The following CWH43 variants were observed in gnomAD, a reference collection of about 807,000 sequenced individuals.
The protein encoded by CWH43 is cell wall biogenesis 43 C-terminal homolog.
A neutral mutation model predicts 85.7 loss-of-function variants in CWH43; 91 were observed. The observed-to-expected ratio is 1.06, with a 90% CI of 0.90 to 1.26. CWH43 has a LOEUF of 1.26. CWH43 is among the 50% of genes most tolerant of loss of function. The pLI is 0.00. For synonymous variants in CWH43, 323 were observed against 293.6 expected (o/e 1.10, Z -1.02); for missense variants, 869 against 839.2 (o/e 1.04, Z -0.44).
chr4:49,016,111 G>C (rs1783534201), intron 8 of CWH43, among the ~76,000 whole-genome samples: 1 of 151,920 alleles, frequency 6.6e-6, no homozygotes, highest in African/African-American at 2.4e-5. Context: ...ACATTTTTAG[G>C]GGAAATTCTT....
At position 49,056,985 on chromosome 4, in the gene CWH43, T is replaced by C. The variant is rs138978968; in HGVS notation, c.2022-4827T>C. Among the ~76,000 whole-genome samples, 762 of 152,364 alleles carry C rather than the reference T, an allele frequency of 5.0e-3. 1 individual carries two copies. Among genetic ancestry groups the C allele is most frequent in the Middle Eastern group, 0.014 (4 of 294 alleles). On this transcript the variant is annotated intron_variant, in intron 15 of 15. Coordinates refer to ENST00000226432, the MANE Select transcript of CWH43 (RefSeq NM_025087.3). ...AATTTTCCTCTTATTAATTTATAAT[T>C]TAACTATTGTTGTTGGAAAGGCTAC...
At chr4:49,032,455 G>T in intron 11 of CWH43, 111 bp from the exon 12 acceptor site, 1 of 1,183,164 alleles carries the variant, frequency 8.5e-7, no homozygotes, top group Non-Finnish European at 1.2e-6. Flanking sequence ...AATGTCCCTT[G>T]GTGGGATGTG....
chr4:49,025,643 A>G (rs1783891220), intron 9 of CWH43, among the ~76,000 whole-genome samples: 1 of 152,242 alleles, frequency 6.6e-6, no homozygotes, highest in South Asian at 2.1e-4. Context: ...GCTACCCAGC[A>G]GAGCTACTGG....
intron 8 of CWH43, among the ~76,000 whole-genome samples, chr4:49,011,702 G>A (rs1490388488): frequency 6.6e-6 from 1 of 152,120 alleles, no homozygotes; most frequent in African/African-American, 2.4e-5. Flanking sequence ...CTCAGCATTT[G>A]CTTGTCTGTA....
chr4:49,050,597 G>C (rs1236721661), intron 14 of CWH43, 97 bp from the exon 15 acceptor site: 4 of 927,812 alleles, frequency 4.3e-6, no homozygotes, highest in Non-Finnish European at 6.5e-6. Context: ...AGTTAGAAGT[G>C]GGAAACTGGT....
chr4:49,051,359 C>T (rs1784792712), intron 15 of CWH43, among the ~76,000 whole-genome samples: 1 of 152,140 alleles, frequency 6.6e-6, no homozygotes, highest in African/African-American at 2.4e-5. Context: ...TGCTGGTATT[C>T]TCAGCTCTGG....
At chr4:49,061,101 TA>T (rs1489371221) in intron 15 of CWH43, among the ~76,000 whole-genome samples, 1 of 152,182 alleles carries the variant, frequency 6.6e-6, no homozygotes, top group Non-Finnish European at 1.5e-5. Context: ...TTTATTATTA[TA>T]AAAAGTCTTC....
chr4:49,020,416 C>CACACACACACACACACACATATATAT (rs140534523), intron 9 of CWH43, among the ~76,000 whole-genome samples: 1 of 128,340 alleles, frequency 7.8e-6, no homozygotes, highest in Non-Finnish European at 1.7e-5. Context: ...CACACACACA[C>CACACACACACACACACACATATATAT]ATATATATAT....
In CWH43 at chr4:48,986,394, C is replaced by A; in HGVS notation, c.-36C>A. 6.5e-7 allele frequency: 1 copy of A among 1,545,374 alleles called. No homozygotes were observed. The highest frequency in any genetic ancestry group is 8.7e-7 in the Non-Finnish European group (1 of 1,144,300). On this transcript the variant is annotated 5_prime_UTR_variant, in exon 1 of 16. Transcript: ENST00000226432. ...GCTAGGGCAGCGGGCCCGACCCGCA[C>A]GGCTTTCCTGGAAAGCGCTGCCCCT...
At position 48,992,116 on chromosome 4, in the gene CWH43, T is replaced by C. The variant is rs765833274; in HGVS notation, c.511+26T>C. ...GTAATACTGTAACTTAGGAATTTTC[T>C]CTTTGCAGAGCTTACCTTTCCTATG... On this transcript the variant is annotated intron_variant, in intron 4 of 15. Coordinates refer to ENST00000226432, the MANE Select transcript of CWH43 (RefSeq NM_025087.3). This position sits in a 1 kb window ranked among gnomAD's most constrained non-coding sequence, Gnocchi z 4.3. The C allele has an allele frequency of 2.5e-6, 4 of 1,589,324 alleles. No individual in the cohort carries two copies. The highest frequency in any genetic ancestry group is 3.4e-6 in the Non-Finnish European group (4 of 1,161,274).
At chr4:49,020,221 C>T (rs1433022913) in intron 9 of CWH43, among the ~76,000 whole-genome samples, 7 of 152,124 alleles carry the variant, frequency 4.6e-5, no homozygotes, top group South Asian at 2.1e-4. Flanking sequence ...CATTCTTACA[C>T]CTTTGCATCC....
chr4:48,994,844 C>A, intron 5 of CWH43, 24 bp downstream of exon 5: 1 of 1,604,682 alleles, frequency 6.2e-7, no homozygotes, highest in South Asian at 1.1e-5. Flanking sequence ...TGGAAGCAAT[C>A]ACAAAATCGG....
At chr4:49,015,259 AG>A (rs1783508968) in intron 8 of CWH43, among the ~76,000 whole-genome samples, 1 of 148,800 alleles carries the variant, frequency 6.7e-6, no homozygotes, top group African/African-American at 2.5e-5. Flanking sequence ...TTCATTGATT[AG>A]GGTTTTTTTT....
intron 4 of CWH43, among the ~76,000 whole-genome samples, chr4:48,993,565 C>T (rs1336031272): frequency 6.6e-6 from 1 of 152,186 alleles, no homozygotes; most frequent in African/African-American, 2.4e-5. Flanking sequence ...CTCTCTGTTT[C>T]TACGAAGAAG....
chr4:49,039,049 C>T (rs1195916310), intron 13 of CWH43, among the ~76,000 whole-genome samples: 1 of 147,036 alleles, frequency 6.8e-6, no homozygotes, highest in South Asian at 2.2e-4. Flanking sequence ...CAGAGCGAGA[C>T]TCTGTCTCAA....
chr4:49,045,182 G>A (rs911608098), intron 14 of CWH43, among the ~76,000 whole-genome samples: 1 of 152,088 alleles, frequency 6.6e-6, no homozygotes, highest in Non-Finnish European at 1.5e-5. Flanking sequence ...AACATCACAG[G>A]CCATTGGATG....
chr4:48,999,861 C>T (rs1205336309), intron 6 of CWH43, among the ~76,000 whole-genome samples: 1 of 152,152 alleles, frequency 6.6e-6, no homozygotes, highest in East Asian at 1.9e-4. Flanking sequence ...CATCTCTTCC[C>T]AGTTACACCC....
chr4:49,047,421 A>T (rs1351582279), intron 14 of CWH43, among the ~76,000 whole-genome samples: 1 of 152,172 alleles, frequency 6.6e-6, no homozygotes, highest in Non-Finnish European at 1.5e-5. Flanking sequence ...CTATTTTAGA[A>T]GATGATGAGA....
chr4:49,006,749 A>T (rs539018337), intron 7 of CWH43, among the ~76,000 whole-genome samples: 16 of 152,284 alleles, frequency 1.1e-4, no homozygotes, highest in African/African-American at 3.6e-4. Flanking sequence ...CTGTGCCCAG[A>T]AAACTCACAT....
Sources: gnomAD v4.1 joint callset for allele counts (sites outside exome capture counted in the v4.1 genomes callset) on GRCh38, gnomAD v4.1.1 for gene constraint, Gnocchi (gnomAD v3.1) non-coding constraint, MANE v1.5 for transcripts, NCBI Gene and HGNC (gene_info 2026-07-23, HGNC 2026-07-21) for gene names.